The following KCMF1 variants were observed in gnomAD, a reference collection of about 807,000 sequenced individuals.
KCMF1 encodes E3 ubiquitin-protein ligase KCMF1.
Under a neutral mutation model 41.1 loss-of-function variants are expected in KCMF1, and 3 were observed. That is an observed-to-expected ratio of 0.07 (90% CI 0.03 to 0.19). The LOEUF (loss-of-function observed/expected upper bound fraction) is 0.19, where lower values mean the gene tolerates loss of function less well. Ranked by LOEUF, KCMF1 falls within the 10% of genes least tolerant of loss-of-function variation. The probability of loss-of-function intolerance (pLI) is 1.00; values close to 1 mark genes in which losing one functional copy is unlikely to be tolerated. For synonymous variants in KCMF1, 142 were observed against 164.5 expected (o/e 0.86, Z 1.04); for missense variants, 286 against 488.9 (o/e 0.58, Z 3.91).
At chr2:85,006,915 G>C (rs1463804445) in intron 1 of KCMF1, among the ~76,000 whole-genome samples, 2 of 151,186 alleles carry the variant, frequency 1.3e-5, no homozygotes, top group Non-Finnish European at 3.0e-5. Context: ...TTGAGACCAG[G>C]CTGACCAACA....
chr2:85,014,720 CGTGCGTGTGTGT>C (rs1674727043), intron 1 of KCMF1, among the ~76,000 whole-genome samples: 1 of 141,760 alleles, frequency 7.1e-6, no homozygotes. Context: ...TGCGTGCGTG[CGTGCGTGTGTGT>C]GTGTGTGTGT....
At chr2:84,990,059 A>T (rs1674000513) in intron 1 of KCMF1, among the ~76,000 whole-genome samples, 1 of 152,214 alleles carries the variant, frequency 6.6e-6, no homozygotes, top group Non-Finnish European at 1.5e-5. Flanking sequence ...CCTGAAGAAG[A>T]ATATGGTCAA....
At chr2:84,974,910 T>C (rs1673506350) in intron 1 of KCMF1, among the ~76,000 whole-genome samples, 2 of 151,450 alleles carry the variant, frequency 1.3e-5, no homozygotes, top group African/African-American at 2.4e-5. Context: ...GGTTTCACCA[T>C]GTTGGCCAGG....
intron 1 of KCMF1, among the ~76,000 whole-genome samples, chr2:85,020,296 C>T (rs1674898218): frequency 6.6e-6 from 1 of 152,176 alleles, no homozygotes; most frequent in East Asian, 1.9e-4. Context: ...ATTCACACTA[C>T]AATTTTTTGT....
At chr2:84,971,526 C>A in intron 1 of KCMF1, 59 bp downstream of exon 1, 2 of 1,032,784 alleles carry the variant, frequency 1.9e-6, no homozygotes, top group Non-Finnish European at 1.2e-6. Context: ...CCCGCCCGGG[C>A]CGGGCGCGGC....
intron 1 of KCMF1, among the ~76,000 whole-genome samples, chr2:84,988,491 T>G (rs1376833274): frequency 6.6e-6 from 1 of 152,190 alleles, no homozygotes; most frequent in Non-Finnish European, 1.5e-5. Context: ...GTACCTTCCC[T>G]AAGATGGCAC....
intron 1 of KCMF1, among the ~76,000 whole-genome samples, chr2:85,014,488 A>C (rs2104008723): frequency 6.6e-6 from 1 of 152,204 alleles, no homozygotes; most frequent in South Asian, 2.1e-4. Context: ...TAAAAGAATC[A>C]ACAGTTCAGT....
At chr2:85,026,490 TTA>T (rs1353688147) in intron 1 of KCMF1, among the ~76,000 whole-genome samples, 5 of 146,806 alleles carry the variant, frequency 3.4e-5, no homozygotes, top group African/African-American at 1.3e-4. Flanking sequence ...ATTATTATTA[TTA>T]TTATTTTTAT....
At chr2:85,022,124 TTTG>T (rs1380856781) in intron 1 of KCMF1, among the ~76,000 whole-genome samples, 1 of 152,106 alleles carries the variant, frequency 6.6e-6, no homozygotes, top group Non-Finnish European at 1.5e-5. Context: ...GCCTGTTTTT[TTTG>T]TTGTTGTTTT....
chr2:84,979,998 T>A (rs893826025), intron 1 of KCMF1, among the ~76,000 whole-genome samples: 1 of 143,444 alleles, frequency 7.0e-6, no homozygotes, highest in South Asian at 2.2e-4. Context: ...AATTTTGTAT[T>A]TTTTTTTTTT....
chr2:85,001,366 C>T (rs1674325267), intron 1 of KCMF1, among the ~76,000 whole-genome samples: 1 of 151,924 alleles, frequency 6.6e-6, no homozygotes, highest in African/African-American at 2.4e-5. Flanking sequence ...ACCATGTTGG[C>T]CAGGCTGGTC....
chr2:84,981,840 G>A lies in KCMF1; in HGVS notation c.16+10373G>A, dbSNP rs144425034. On this transcript the variant is annotated intron_variant, in intron 1 of 6. Coordinates refer to ENST00000409785, the MANE Select transcript of KCMF1 (RefSeq NM_020122.5). ...GTCGGCCAGGCTGGAGTTCAGTACC[G>A]CAGTATCAGCTCAGCTGCAGCCTCC... Among the ~76,000 whole-genome samples, 36 of 152,058 alleles carry A rather than the reference G, an allele frequency of 2.4e-4. No individual in the cohort carries two copies. In the South Asian group the frequency reaches 4.0e-3, roughly 17 times the overall value.
intron 1 of KCMF1, among the ~76,000 whole-genome samples, chr2:85,024,299 C>T (rs1281460486): frequency 1.3e-5 from 2 of 152,064 alleles, no homozygotes; most frequent in African/African-American, 2.4e-5. Context: ...GTGGTGAAAC[C>T]CCGTCTCTAC....
intron 1 of KCMF1, among the ~76,000 whole-genome samples, chr2:84,976,245 C>T (rs953773467): frequency 4.7e-5 from 7 of 148,170 alleles, no homozygotes; most frequent in East Asian, 2.0e-4. Context: ...CTCGCTCTGT[C>T]GCCCAGGCTG....
At chr2:84,988,744 A>C (rs1425195170) in intron 1 of KCMF1, among the ~76,000 whole-genome samples, 1 of 152,198 alleles carries the variant, frequency 6.6e-6, no homozygotes, top group Non-Finnish European at 1.5e-5. Flanking sequence ...TTTTAATCAA[A>C]CTCTATCACA....
intron 1 of KCMF1, among the ~76,000 whole-genome samples, chr2:84,990,271 A>G (rs576985433): frequency 1.3e-5 from 2 of 152,282 alleles, no homozygotes; most frequent in East Asian, 3.9e-4. Flanking sequence ...AGAGATGACA[A>G]CAGCTGGAGG....
intron 1 of KCMF1, chr2:84,971,975 C>G (rs1327159368): frequency 6.6e-6 from 1 of 152,084 alleles, no homozygotes; most frequent in African/African-American, 2.4e-5. Flanking sequence ...AGTGTCCCCG[C>G]CTGCGGGCGA....
chr2:85,053,820 T>TATTTAAGTG lies in KCMF1; in HGVS notation c.*411_*412insATTTAAGTG, dbSNP rs1286845887. On this transcript the variant is annotated 3_prime_UTR_variant, in exon 7 of 7. Transcript: ENST00000409785. Reference sequence around the variant, plus strand: ...GCGTGCATGAGTTTTAGTGACCTTGTTATTTAAGAAGTTAAATACAAGGAG... The same window carrying TATTTAAGTG: ...GCGTGCATGAGTTTTAGTGACCTTGTATTTAAGTGTATTTAAGAAGTTAAATACAAGGAG... The TATTTAAGTG allele has an allele frequency of 6.4e-6, 1 of 155,860 alleles. No individual in the cohort carries two copies. Among genetic ancestry groups the TATTTAAGTG allele is most frequent in the Non-Finnish European group, 1.4e-5 (1 of 70,536 alleles). The allele number at this position is 155,860 out of a possible 1,614,324, so 9.7% of individuals were successfully genotyped here.
chr2:85,010,293 A>T (rs1674620714), intron 1 of KCMF1, among the ~76,000 whole-genome samples: 1 of 152,034 alleles, frequency 6.6e-6, no homozygotes, highest in African/African-American at 2.4e-5. Flanking sequence ...ACGTAGTGAA[A>T]CCCCGTCTCT....
Sources: gnomAD v4.1 joint callset for allele counts (sites outside exome capture counted in the v4.1 genomes callset) on GRCh38, gnomAD v4.1.1 for gene constraint, MANE v1.5 for transcripts, NCBI Gene and HGNC (gene_info 2026-07-23, HGNC 2026-07-21) for gene names.